The following NDUFAF6 variants were observed in gnomAD, a reference collection of about 807,000 sequenced individuals.
NDUFAF6 encodes NADH:ubiquinone oxidoreductase complex assembly factor 6.
Under a neutral mutation model 40.8 loss-of-function variants are expected in NDUFAF6, and 45 were observed. The observed-to-expected ratio is 1.10, with a 90% confidence interval of 0.87 to 1.42. The LOEUF is 1.42. Among genes scored for constraint, NDUFAF6 ranks in the 40% most tolerant of loss-of-function variants. The pLI is 0.00. For missense variants in NDUFAF6, 435 were observed against 418.5 expected, an observed-to-expected ratio of 1.04 and a Z score of -0.34; for synonymous variants, 185 against 155.9, an observed-to-expected ratio of 1.19 and a Z score of -1.39.
At chr8:94,980,439 TTTG>T (rs1351786589) in intron 1 of NDUFAF6, among the ~76,000 whole-genome samples, 39 of 144,468 alleles carry the variant, frequency 2.7e-4, no homozygotes, top group African/African-American at 1.0e-3. Flanking sequence ...CTGTGGTTTT[TTTG>T]TTTTTTTTTT....
chr8:94,960,382 A>C (rs1255317710), intron 1 of NDUFAF6, among the ~76,000 whole-genome samples: 1 of 152,178 alleles, frequency 6.6e-6, no homozygotes, highest in Non-Finnish European at 1.5e-5. Flanking sequence ...ATCTGAAGGC[A>C]AATGTAGATA....
chr8:94,902,056 A>G (rs1160373077), intron 1 of NDUFAF6, among the ~76,000 whole-genome samples: 2 of 149,640 alleles, frequency 1.3e-5, no homozygotes, highest in South Asian at 4.2e-4. Flanking sequence ...TTTCAAAAAG[A>G]AAAAAAAAAG....
chr8:95,065,716 T>C (rs1832686643), intron 9 of NDUFAF6, among the ~76,000 whole-genome samples: 1 of 152,196 alleles, frequency 6.6e-6, no homozygotes, highest in African/African-American at 2.4e-5. Context: ...GAATATTCTC[T>C]GAAAAGCCAG....
chr8:94,930,859 T>TGACA (rs773190417), intron 1 of NDUFAF6: 3 of 1,079,596 alleles, frequency 2.8e-6, no homozygotes, highest in Admixed American at 5.2e-5. Flanking sequence ...GTTTCATGGC[T>TGACA]GACAGACAAG....
intron 9 of NDUFAF6, chr8:95,067,809 T>A (rs1280239104): frequency 6.6e-6 from 1 of 151,922 alleles, no homozygotes; most frequent in African/African-American, 2.4e-5. Flanking sequence ...TGGGTGGAAG[T>A]TCAGGCTCCC....
chr8:95,029,201 G>C (rs888441092), intron 1 of NDUFAF6, among the ~76,000 whole-genome samples: 2 of 152,124 alleles, frequency 1.3e-5, no homozygotes, highest in Admixed American at 6.6e-5. Flanking sequence ...TTATAAGAAG[G>C]TTCCAATGTA....
intron 4 of NDUFAF6, among the ~76,000 whole-genome samples, chr8:95,111,813 A>C (rs1810005869): frequency 6.6e-6 from 1 of 152,342 alleles, no homozygotes; most frequent in African/African-American, 2.4e-5. Context: ...TAAAAGAATA[A>C]AAACATATTA....
intron 2 of NDUFAF6, among the ~76,000 whole-genome samples, chr8:95,018,108 G>A (rs1397840782): frequency 1.3e-5 from 2 of 151,892 alleles, no homozygotes; most frequent in East Asian, 1.9e-4. Context: ...TGCAGTGATC[G>A]TGGCTCATTG....
chr8:95,040,996 T>C (rs1830083750), intron 3 of NDUFAF6: 1 of 152,396 alleles, frequency 6.6e-6, no homozygotes, highest in South Asian at 2.1e-4. Context: ...TTATTTTTGT[T>C]GGAGTTTTAG....
At chr8:95,023,528 G>A (rs74912350), upstream of NDUFAF6, among the ~76,000 whole-genome samples, 4,529 of 152,212 alleles carry the variant, frequency 0.03, 83 homozygotes, top group Non-Finnish European at 0.044. Context: ...GTAGGGAAAC[G>A]CCATGATCAG....
rs57749627 is a variant in NDUFAF6 at position 94,904,320 on chromosome 8, C to CTTTTTTTT, written c.-936+8423_-936+8430dup. Among the ~76,000 whole-genome samples, 77 of 34,138 alleles carry CTTTTTTTT rather than the reference C, an allele frequency of 2.3e-3. 30 individuals carry two copies. Among genetic ancestry groups the CTTTTTTTT allele is most frequent in the African/African-American group, 7.9e-3 (52 of 6,580 alleles). 22.4% of individuals were successfully genotyped at this position (34,138 alleles called of 152,430 possible). ...CATCACACCTGGCTAATTTTTTTTGCTTTTTTTTTTTTTTTTTTTTTTTTT... is the reference window on the plus strand; with the variant it reads ...CATCACACCTGGCTAATTTTTTTTGCTTTTTTTTTTTTTTTTTTTTTTTTTTTTTTTTT... On this transcript the variant is annotated intron_variant, in intron 1 of 14. Coordinates refer to the NDUFAF6 transcript ENST00000396113.
intron 1 of NDUFAF6, chr8:94,929,307 C>T (rs149278400): frequency 1.3e-5 from 2 of 152,114 alleles, no homozygotes; most frequent in Admixed American, 6.5e-5. Flanking sequence ...CACTGCTCCC[C>T]GTTGGTGGGG....
chr8:95,036,860 T>C (rs1457463215), intron 3 of NDUFAF6, among the ~76,000 whole-genome samples: 1 of 152,236 alleles, frequency 6.6e-6, no homozygotes, highest in Non-Finnish European at 1.5e-5. Flanking sequence ...GCTGGCTTTC[T>C]GACGTGACCG....
At chr8:94,904,320 CTTTTTTTTTTTTTTT>C (rs57749627) in intron 1 of NDUFAF6, among the ~76,000 whole-genome samples, 574 of 34,120 alleles carry the variant, frequency 0.017, 10 homozygotes, top group African/African-American at 0.08. Flanking sequence ...ATTTTTTTTG[CTTTTTTTTTTTTTTT>C]TTTTTTTTTT....
At chr8:94,904,003 G>C (rs936339266) in intron 1 of NDUFAF6, among the ~76,000 whole-genome samples, 7 of 152,140 alleles carry the variant, frequency 4.6e-5, no homozygotes, top group Non-Finnish European at 1.0e-4. Context: ...CTAGTCTTGA[G>C]ATAACTTCCA....
At chr8:95,037,044 C>T (rs1829588725) in intron 3 of NDUFAF6, among the ~76,000 whole-genome samples, 2 of 152,270 alleles carry the variant, frequency 1.3e-5, no homozygotes, top group South Asian at 4.1e-4. Flanking sequence ...AATGTGTTAT[C>T]CAGAGAGCAC....
chr8:94,926,871 AT>A (rs1208850443), intron 1 of NDUFAF6: 1 of 152,220 alleles, frequency 6.6e-6, no homozygotes, highest in African/African-American at 2.4e-5. Context: ...TAAATAAAGC[AT>A]TTTATGTATA....
intron 1 of NDUFAF6, among the ~76,000 whole-genome samples, chr8:94,916,247 T>C (rs1819117267): frequency 2.0e-5 from 3 of 152,194 alleles, no homozygotes; most frequent in Admixed American, 2.0e-4. Flanking sequence ...ACATTCAACA[T>C]GGAATCGGAG....
chr8:94,904,213 G>A (rs1235046050), intron 1 of NDUFAF6, among the ~76,000 whole-genome samples: 5 of 150,494 alleles, frequency 3.3e-5, no homozygotes, highest in East Asian at 1.9e-4. Context: ...GCGCGATCTC[G>A]GCTCACTGCA....
Sources: gnomAD v4.1 joint callset for allele counts (sites outside exome capture counted in the v4.1 genomes callset) on GRCh38, gnomAD v4.1.1 for gene constraint, MANE v1.5 for transcripts, NCBI Gene and HGNC (gene_info 2026-07-23, HGNC 2026-07-21) for gene names.